The following ANKFY1 variants were observed in gnomAD, a reference collection of about 807,000 sequenced individuals.
ANKFY1 encodes the protein ankyrin repeat and FYVE domain containing 1.
A neutral mutation model predicts 128.3 loss-of-function variants in ANKFY1; 47 were observed. The observed-to-expected ratio is 0.37, with a 90% confidence interval of 0.29 to 0.47. The LOEUF (loss-of-function observed/expected upper bound fraction) is 0.47, where lower values mean the gene tolerates loss of function less well. ANKFY1 is among the 20% of genes least tolerant of loss of function. The probability of loss-of-function intolerance (pLI) is 1.00; values close to 1 mark genes in which losing one functional copy is unlikely to be tolerated. For synonymous variants in ANKFY1, 553 were observed against 601.6 expected, an observed-to-expected ratio of 0.92 and a Z score of 1.18; for missense variants, 1,222 against 1,510.6, an observed-to-expected ratio of 0.81 and a Z score of 3.17.
chr17:4,202,333 G>A (rs1254030447), intron 7 of ANKFY1, among the ~76,000 whole-genome samples: 5 of 151,010 alleles, frequency 3.3e-5, no homozygotes, highest in African/African-American at 4.9e-5. Flanking sequence ...CCCGGGAGGC[G>A]GAGGTTGCAG....
chr17:4,189,012 G>A (rs890965039), intron 11 of ANKFY1: 8 of 214,440 alleles, frequency 3.7e-5, no homozygotes, highest in African/African-American at 9.2e-5. Flanking sequence ...AGACTCATAC[G>A]TGACAATCCA....
rs370666879 is a variant in ANKFY1, at chr17:4,253,077, G to A, written c.11-10629C>T. ...TGTACTAAAAATACAAAAATTAGCC[G>A]GACCAGGGTGGCACACACTTGTAAT... On this transcript the variant is annotated intron_variant, in intron 1 of 24. Coordinates refer to ENST00000341657, the MANE Select transcript of ANKFY1 (RefSeq NM_001330063.2). Among the ~76,000 whole-genome samples the A allele has an allele frequency of 5.9e-5, 9 of 152,136 alleles. No homozygotes were observed. The East Asian group carries it at 9.7e-4, about 16-fold the overall frequency.
At chr17:4,249,155 T>C in intron 1 of ANKFY1, 1 of 984,556 alleles carries the variant, frequency 1.0e-6, no homozygotes, top group Non-Finnish European at 1.2e-6. Context: ...CACTCTTCCT[T>C]CTAGGTCAGG....
intron 7 of ANKFY1, among the ~76,000 whole-genome samples, chr17:4,200,900 T>C (rs1368326271): frequency 6.6e-6 from 1 of 152,238 alleles, no homozygotes; most frequent in African/African-American, 2.4e-5. Flanking sequence ...TCTGAATATC[T>C]AGAATGGGGT....
chr17:4,175,310 G>A (rs2059393439), intron 19 of ANKFY1, among the ~76,000 whole-genome samples: 2 of 150,660 alleles, frequency 1.3e-5, no homozygotes, highest in South Asian at 2.1e-4. Flanking sequence ...TCCAGCCTGG[G>A]CAACAGAGCA....
At chr17:4,250,686 G>C (rs1301948825) in intron 1 of ANKFY1, among the ~76,000 whole-genome samples, 1 of 151,062 alleles carries the variant, frequency 6.6e-6, no homozygotes, top group Non-Finnish European at 1.5e-5. Context: ...TTTTTTCTTA[G>C]AAACAGGGTC....
In ANKFY1 at chr17:4,178,765, G is replaced by A. The variant is rs2059454137; in HGVS notation, c.2598+92C>T. ...AACTTCAAAACAAAGCTCTTTCCAT[G>A]AGGAGACCTGTTTAGTCGGTGACAT... On this transcript the variant is annotated intron_variant, in intron 18 of 24. Coordinates refer to ENST00000341657, the MANE Select transcript of ANKFY1 (RefSeq NM_001330063.2). The surrounding 1 kb of genome is among the most constrained non-coding windows in gnomAD (Gnocchi z 4.1). The A allele has an allele frequency of 1.6e-6, 2 of 1,254,878 alleles. No homozygotes were observed. Among genetic ancestry groups the A allele is most frequent in the Non-Finnish European group, 2.3e-6 (2 of 873,622 alleles). 77.7% of individuals were successfully genotyped at this position (1,254,878 alleles called of 1,614,324 possible).
chr17:4,208,155 C>G, intron 5 of ANKFY1, 73 bp from the exon 6 acceptor site: 1 of 1,447,816 alleles, frequency 6.9e-7, no homozygotes, highest in Non-Finnish European at 9.2e-7. Context: ...TAGCAAGCCT[C>G]TCAAATGCAT....
chr17:4,186,711 G>A (rs772136217), intron 11 of ANKFY1: 187 of 658,454 alleles, frequency 2.8e-4, no homozygotes, highest in Middle Eastern at 7.6e-4. Context: ...TGCTCCTCCC[G>A]CTCCTCTACC....
chr17:4,232,704 T>G (rs568153531), intron 3 of ANKFY1, among the ~76,000 whole-genome samples: 15 of 152,324 alleles, frequency 9.8e-5, no homozygotes, highest in African/African-American at 2.6e-4. Flanking sequence ...TGATGCAATC[T>G]TGTGGCCAGA....
Position 4,183,805 on chromosome 17 carries a change from G to T in ANKFY1, c.1798+7C>A. ...TGCAGACATCAGCGGCCCCGGCACA[G>T]CCTTACCAGTCCATAATGCCAGGCC... On this transcript the variant is annotated splice_region_variant and intron_variant, in intron 13 of 24. Coordinates refer to ENST00000341657, the MANE Select transcript of ANKFY1 (RefSeq NM_001330063.2). 6.2e-7 allele frequency: 1 copy of T among 1,607,512 alleles called. No individual in the cohort carries two copies. The highest frequency in any genetic ancestry group is 2.2e-5 in the East Asian group (1 of 44,852).
Position 4,242,331 on chromosome 17 carries a change from T to C in ANKFY1, c.128A>G (p.Lys43Arg). ...GATGAAGGACTCGCTGCTGCTCTCC[T>C]TGTTTGCCTGCGCAGCCAAGAGAGC... is the stretch of plus-strand genomic sequence containing the variant. ...RCALLAAQANKESSSESFISR... is the reference protein window; with the variant it reads ...RCALLAAQANRESSSESFISR... Residue 43 changes from lysine to arginine, a missense_variant, in exon 2 of 25, where the codon AAG becomes AGG. Lys to Arg is a conservative substitution (Grantham distance 26, BLOSUM62 2). Transcript: ENST00000341657. 1.2e-6 allele frequency: 2 copies of C among 1,602,310 alleles called. No individual in the cohort carries two copies. The highest frequency in any genetic ancestry group is 1.7e-6 in the Non-Finnish European group (2 of 1,175,776).
intron 3 of ANKFY1, among the ~76,000 whole-genome samples, chr17:4,217,479 G>A (rs926440400): frequency 5.3e-5 from 8 of 152,174 alleles, no homozygotes; most frequent in African/African-American, 1.4e-4. Flanking sequence ...CCCGGGAGAC[G>A]GAGGTTGCAG....
In ANKFY1 at chr17:4,178,764, T is replaced by A. The variant is rs944749743; in HGVS notation, c.2598+93A>T. On this transcript the variant is annotated intron_variant, in intron 18 of 24. Transcript: ENST00000341657. This position sits in a 1 kb window ranked among gnomAD's most constrained non-coding sequence, Gnocchi z 4.1. The stretch of plus-strand genomic sequence containing the variant: ...CAACTTCAAAACAAAGCTCTTTCCA[T>A]GAGGAGACCTGTTTAGTCGGTGACA... 1.6e-6 allele frequency: 2 copies of A among 1,250,086 alleles called. No individual in the cohort carries two copies. The highest frequency in any genetic ancestry group is 3.0e-5 in the African/African-American group (2 of 67,440). The allele number at this position is 1,250,086 out of a possible 1,614,324, so 77.4% of individuals were successfully genotyped here.
chr17:4,263,749 A>G, intron 1 of ANKFY1, 183 bp downstream of exon 1: 1 of 1,506,638 alleles, frequency 6.6e-7, no homozygotes, highest in Non-Finnish European at 8.8e-7. Flanking sequence ...GGACGTTGTC[A>G]TAGGAACCGC....
At chr17:4,198,297 C>G (rs1598057411) in intron 7 of ANKFY1, among the ~76,000 whole-genome samples, 1 of 152,054 alleles carries the variant, frequency 6.6e-6, no homozygotes, top group Non-Finnish European at 1.5e-5. Context: ...TACCCCCATT[C>G]TGCTGTACTT....
intron 10 of ANKFY1, chr17:4,191,296 T>A (rs966071712): frequency 1.3e-5 from 2 of 152,158 alleles, no homozygotes; most frequent in African/African-American, 4.8e-5. Flanking sequence ...TCCTAGTTGA[T>A]GGTTAATCTG....
chr17:4,223,318 TA>T, intron 3 of ANKFY1: 1 of 1,351,258 alleles, frequency 7.4e-7, no homozygotes, highest in Non-Finnish European at 1.1e-6. Context: ...TAGAGGCCAA[TA>T]ATCCACAGGC....
chr17:4,217,580 C>T (rs1277397979), intron 3 of ANKFY1, among the ~76,000 whole-genome samples: 1 of 152,208 alleles, frequency 6.6e-6, no homozygotes, highest in Non-Finnish European at 1.5e-5. Flanking sequence ...TGGGCAACAT[C>T]TGACTAAACT....
Sources: allele counts gnomAD v4.1 joint callset (sites outside exome capture counted in the v4.1 genomes callset), GRCh38; gene constraint gnomAD v4.1.1; non-coding constraint Gnocchi (gnomAD v3.1); transcripts MANE v1.5; gene names NCBI Gene and HGNC (gene_info 2026-07-23, HGNC 2026-07-21).